The following AFTPH variants were observed in gnomAD, a reference collection of about 807,000 sequenced individuals.
AFTPH encodes aftiphilin.
Under a neutral mutation model 72.5 loss-of-function variants are expected in AFTPH, and 7 were observed. The ratio of observed to expected loss-of-function variants is 0.10; its 90% CI spans 0.05 to 0.18. AFTPH has a LOEUF of 0.18. Among genes scored for constraint, AFTPH ranks in the 10% least tolerant of loss-of-function variants. AFTPH has a pLI of 1.00. For missense variants in AFTPH, 979 were observed against 1,060.5 expected (o/e 0.92, Z 1.07); for synonymous variants, 337 against 370.1 (o/e 0.91, Z 1.03).
chr2:64,584,758 G>A (rs1673407238), intron 7 of AFTPH, among the ~76,000 whole-genome samples: 1 of 151,796 alleles, frequency 6.6e-6, no homozygotes, highest in African/African-American at 2.4e-5. Context: ...CACCATGCCC[G>A]GCTAATTTTT....
chr2:64,553,473 C>G, intron 2 of AFTPH, 64 bp downstream of exon 2: 1 of 1,474,446 alleles, frequency 6.8e-7, no homozygotes, highest in Non-Finnish European at 9.0e-7. Context: ...CTAATTTCAG[C>G]TTTTCAAAAA....
chr2:64,575,761 T>G (rs1672739353), intron 6 of AFTPH, among the ~76,000 whole-genome samples: 1 of 141,380 alleles, frequency 7.1e-6, no homozygotes, highest in Non-Finnish European at 1.5e-5. Flanking sequence ...TTTTTGGAGG[T>G]AGAGTCTTGC....
At chr2:64,575,276 C>A (rs1015041541) in intron 6 of AFTPH, among the ~76,000 whole-genome samples, 2 of 152,118 alleles carry the variant, frequency 1.3e-5, no homozygotes, top group Admixed American at 1.3e-4. Context: ...AGATGCCTGA[C>A]CTCCATCACA....
intron 1 of AFTPH, among the ~76,000 whole-genome samples, chr2:64,549,795 A>C (rs906711417): frequency 5.3e-5 from 8 of 152,134 alleles, no homozygotes; most frequent in Non-Finnish European, 1.2e-4. Context: ...AAAAAAATTC[A>C]CCTTACATTT....
At chr2:64,525,120 C>T (rs1392422052) in intron 1 of AFTPH, among the ~76,000 whole-genome samples, 1 of 152,242 alleles carries the variant, frequency 6.6e-6, no homozygotes. Flanking sequence ...TTGGAATCCT[C>T]CAACAGGCAG....
chr2:64,541,822 G>T (rs1036263969), intron 1 of AFTPH, among the ~76,000 whole-genome samples: 21 of 152,092 alleles, frequency 1.4e-4, no homozygotes, highest in African/African-American at 5.1e-4. Context: ...ACTCACCCAA[G>T]TGACTAATTA....
At position 64,585,418 on chromosome 2, in the gene AFTPH, T is replaced by A. The variant is rs775234824; in HGVS notation, c.2456-4T>A. 1 of 1,613,484 alleles carries A rather than the reference T, an allele frequency of 6.2e-7. No individual in the cohort carries two copies. Among genetic ancestry groups the A allele is most frequent in the East Asian group, 2.2e-5 (1 of 44,872 alleles). ...CATCACTGACTATCATTTTATACTA[T>A]AAGGTGTGGATCCGGAGTTGTATGA... is the stretch of plus-strand genomic sequence containing the variant. On this transcript the variant is annotated splice_region_variant and splice_polypyrimidine_tract_variant and intron_variant, in intron 7 of 8. Transcript: ENST00000238856.
intron 1 of AFTPH, among the ~76,000 whole-genome samples, chr2:64,539,741 A>G (rs1346451576): frequency 1.3e-5 from 2 of 152,204 alleles, no homozygotes; most frequent in East Asian, 3.8e-4. Flanking sequence ...CAACATTTAC[A>G]GTCATTTGAG....
intron 5 of AFTPH, among the ~76,000 whole-genome samples, chr2:64,572,173 T>C (rs1402972128): frequency 6.9e-6 from 1 of 144,548 alleles, no homozygotes; most frequent in Non-Finnish European, 1.5e-5. Context: ...TGAGCTGAGA[T>C]CACACCATTG....
At chr2:64,553,152 G>A in exon 2 of AFTPH, 1 of 1,614,174 alleles carries the variant, frequency 6.2e-7, no homozygotes, top group Non-Finnish European at 8.5e-7. Flanking sequence ...TGATTTTGCA[G>A]ACTTCAGTTC....
At chr2:64,549,978 T>G (rs1206108791) in intron 1 of AFTPH, among the ~76,000 whole-genome samples, 2 of 152,182 alleles carry the variant, frequency 1.3e-5, no homozygotes, top group African/African-American at 4.8e-5. Context: ...ATCAATTGAT[T>G]TGACTTCCTA....
intron 2 of AFTPH, among the ~76,000 whole-genome samples, chr2:64,562,235 A>G (rs947505046): frequency 2.8e-4 from 43 of 152,104 alleles, no homozygotes; most frequent in African/African-American, 1.0e-3. Flanking sequence ...TTATTTAAAT[A>G]TGCCCAACCT....
At chr2:64,543,377 T>G (rs1670375557) in intron 1 of AFTPH, among the ~76,000 whole-genome samples, 1 of 152,224 alleles carries the variant, frequency 6.6e-6, no homozygotes, top group Non-Finnish European at 1.5e-5. Context: ...AGTTTTAAAT[T>G]TTAATGCAGT....
intron 1 of AFTPH, among the ~76,000 whole-genome samples, chr2:64,549,307 CCTTTT>C (rs1670875392): frequency 7.8e-6 from 1 of 127,450 alleles, no homozygotes. Context: ...GTTAGTCCTC[CCTTTT>C]TTTTTTTTTT....
At chr2:64,544,771 C>T (rs58451913) in intron 1 of AFTPH, among the ~76,000 whole-genome samples, 2,708 of 152,202 alleles carry the variant, frequency 0.018, 72 homozygotes, top group African/African-American at 0.063. Context: ...GTCTCCCCTA[C>T]ACTGATTGGT....
exon 7 of AFTPH, chr2:64,579,492 C>G: frequency 1.2e-6 from 2 of 1,613,738 alleles, no homozygotes; most frequent in South Asian, 2.2e-5. Context: ...CTAGGAGTCT[C>G]TACCACCCGT....
At chr2:64,579,611 A>T in intron 7 of AFTPH, 65 bp downstream of exon 7, 1 of 1,376,950 alleles carries the variant, frequency 7.3e-7, no homozygotes, top group South Asian at 1.2e-5. Flanking sequence ...AGTTCAGACA[A>T]ACTTCTCTCT....
chr2:64,568,030 G>A (rs1672193755), intron 3 of AFTPH, among the ~76,000 whole-genome samples: 1 of 151,462 alleles, frequency 6.6e-6, no homozygotes, highest in Non-Finnish European at 1.5e-5. Flanking sequence ...GACAGAACAA[G>A]GCTCTATCTC....
At chr2:64,552,343 A>G in exon 2 of AFTPH, 2 of 1,614,092 alleles carry the variant, frequency 1.2e-6, no homozygotes, top group South Asian at 1.1e-5. Context: ...AACAAAGGAG[A>G]CACTGATGGA....
Sources: gnomAD v4.1 joint callset for allele counts (sites outside exome capture counted in the v4.1 genomes callset) on GRCh38, gnomAD v4.1.1 for gene constraint, MANE v1.5 for transcripts, NCBI Gene and HGNC (gene_info 2026-07-23, HGNC 2026-07-21) for gene names.